Variants in LSAMP observed in about 807,000 individuals in gnomAD.
LSAMP encodes limbic system-associated membrane protein.
LSAMP carries 7 observed loss-of-function variants against 38.6 expected under a neutral mutation model. That is an observed-to-expected ratio of 0.18 (90% confidence interval 0.10 to 0.34). The LOEUF is 0.34. Ranked by LOEUF, LSAMP falls within the 10% of genes least tolerant of loss-of-function variation. LSAMP has a pLI of 1.00. For missense variants in LSAMP, 313 were observed against 420.0 expected (o/e 0.75, Z 2.23); for synonymous variants, 154 against 166.8 (o/e 0.92, Z 0.59).
In LSAMP at chr3:115,964,228, A is replaced by G. The variant is rs578045254; in HGVS notation, c.514+55287T>C. Among the ~76,000 whole-genome samples the G allele has an allele frequency of 3.0e-4, 45 of 152,262 alleles. 1 individual carries two copies. In the Middle Eastern group the frequency reaches 0.014, roughly 46 times the overall value. ...TTAAATAGTTATCATCACCTTTTAT[A>G]GGTGGTAAACTATTTAGGAGTAGGA... On this transcript the variant is annotated intron_variant, in intron 3 of 6. Transcript: ENST00000490035.
chr3:116,345,578 A>G (rs1367636233), intron 1 of LSAMP, among the ~76,000 whole-genome samples: 4 of 152,166 alleles, frequency 2.6e-5, no homozygotes, highest in Admixed American at 2.6e-4. Context: ...ATTCAGTAAT[A>G]AAACTGTTCA....
intron 1 of LSAMP, among the ~76,000 whole-genome samples, chr3:116,157,531 C>CA: frequency 6.6e-6 from 1 of 151,602 alleles, no homozygotes; most frequent in East Asian, 1.9e-4. Flanking sequence ...AAATACATGG[C>CA]AAAAATATAT....
chr3:116,146,535 T>C (rs1219945637), intron 1 of LSAMP, among the ~76,000 whole-genome samples: 8 of 151,862 alleles, frequency 5.3e-5, no homozygotes. Flanking sequence ...AAGTGCCTCT[T>C]TGAGAGCAGA....
At chr3:116,082,602 C>T (rs575150060) in intron 2 of LSAMP, among the ~76,000 whole-genome samples, 2 of 152,226 alleles carry the variant, frequency 1.3e-5, no homozygotes, top group South Asian at 4.1e-4. Context: ...TTCGTTGCGG[C>T]ACTGTTCAGA....
chr3:116,415,279 T>TA (rs1260439744), intron 1 of LSAMP, among the ~76,000 whole-genome samples: 1 of 151,858 alleles, frequency 6.6e-6, no homozygotes, highest in Non-Finnish European at 1.5e-5. Flanking sequence ...TCATATGACA[T>TA]AAAAAATGAC....
At chr3:116,204,456 T>G (rs2046036846) in intron 1 of LSAMP, among the ~76,000 whole-genome samples, 2 of 152,224 alleles carry the variant, frequency 1.3e-5, no homozygotes, top group Admixed American at 6.5e-5. Context: ...TTTTGGTGTT[T>G]TAGACATGAA....
At chr3:116,112,264 C>G (rs778833431) in intron 1 of LSAMP, among the ~76,000 whole-genome samples, 1 of 152,140 alleles carries the variant, frequency 6.6e-6, no homozygotes, top group Non-Finnish European at 1.5e-5. Context: ...CAAAACCAAT[C>G]ATGTTTTTAA....
At chr3:115,949,676 T>C in intron 3 of LSAMP, among the ~76,000 whole-genome samples, 1 of 152,046 alleles carries the variant, frequency 6.6e-6, no homozygotes. Flanking sequence ...TTAATACTAA[T>C]TTCATTGAAA....
At chr3:115,820,290 A>T (rs1444759180) in intron 6 of LSAMP, among the ~76,000 whole-genome samples, 2 of 152,218 alleles carry the variant, frequency 1.3e-5, no homozygotes, top group Non-Finnish European at 2.9e-5. Context: ...CTAAATATTA[A>T]TCTTGCTTCA....
intron 6 of LSAMP, among the ~76,000 whole-genome samples, chr3:115,826,563 A>G (rs1292219941): frequency 6.6e-6 from 1 of 151,994 alleles, no homozygotes; most frequent in Non-Finnish European, 1.5e-5. Flanking sequence ...GTACTTCTCC[A>G]TTTGGTCTGT....
chr3:116,220,376 C>CACAT (rs1553714724), intron 1 of LSAMP, among the ~76,000 whole-genome samples: 12 of 151,498 alleles, frequency 7.9e-5, no homozygotes, highest in African/African-American at 2.2e-4. Flanking sequence ...CACACACACA[C>CACAT]ACACACACAC....
intron 1 of LSAMP, among the ~76,000 whole-genome samples, chr3:116,145,896 T>C (rs1709479859): frequency 6.6e-6 from 1 of 151,926 alleles, no homozygotes; most frequent in Non-Finnish European, 1.5e-5. Flanking sequence ...ACAGTTTTTA[T>C]TTCAAGAAAT....
At chr3:116,004,890 TCA>T (rs1940112877) in intron 3 of LSAMP, among the ~76,000 whole-genome samples, 1 of 152,084 alleles carries the variant, frequency 6.6e-6, no homozygotes, top group Non-Finnish European at 1.5e-5. Flanking sequence ...ATTCATAGAA[TCA>T]CACATGGGTG....
rs72948002 is a variant in LSAMP at position 116,291,996 on chromosome 3, A to C, written c.155+152881T>G. ...CATTACTACAAATTTCCCAAGCTTT[A>C]AGATCACCACTCAGCAATCATCAAC... is the stretch of plus-strand genomic sequence containing the variant. On this transcript the variant is annotated intron_variant, in intron 1 of 6. Coordinates refer to ENST00000490035, the MANE Select transcript of LSAMP (RefSeq NM_002338.5). Among the ~76,000 whole-genome samples the C allele has an allele frequency of 1.6e-3, 249 of 152,294 alleles. 2 individuals carry two copies. Among genetic ancestry groups the C allele is most frequent in the African/African-American group, 5.7e-3 (238 of 41,562 alleles).
chr3:115,996,645 G>A (rs558944004), intron 3 of LSAMP, among the ~76,000 whole-genome samples: 34 of 151,644 alleles, frequency 2.2e-4, no homozygotes, highest in Middle Eastern at 6.8e-3. Flanking sequence ...ATGGATGTGG[G>A]GAAAAAAAAC....
At chr3:115,872,142 T>G (rs1553743284) in intron 3 of LSAMP, among the ~76,000 whole-genome samples, 2 of 152,098 alleles carry the variant, frequency 1.3e-5, no homozygotes, top group Non-Finnish European at 2.9e-5. Flanking sequence ...TGAATTAGTA[T>G]TAAAGATAAA....
chr3:116,374,015 A>G (rs1015990684), intron 1 of LSAMP, among the ~76,000 whole-genome samples: 5 of 151,918 alleles, frequency 3.3e-5, no homozygotes. Flanking sequence ...ATTTTATTAT[A>G]ATGACCTCTT....
intron 1 of LSAMP, among the ~76,000 whole-genome samples, chr3:116,226,554 G>A (rs184992207): frequency 6.6e-6 from 1 of 152,328 alleles, no homozygotes; most frequent in East Asian, 1.9e-4. Flanking sequence ...AAGGCCCCAG[G>A]AATATGGACA....
intron 1 of LSAMP, among the ~76,000 whole-genome samples, chr3:116,248,001 C>G (rs1250516345): frequency 6.6e-6 from 1 of 152,108 alleles, no homozygotes; most frequent in African/African-American, 2.4e-5. Context: ...GTATGGTGCC[C>G]TTGGGAAGAT....
Sources: allele counts gnomAD v4.1 joint callset (sites outside exome capture counted in the v4.1 genomes callset), GRCh38; gene constraint gnomAD v4.1.1; transcripts MANE v1.5; gene names NCBI Gene and HGNC (gene_info 2026-07-23, HGNC 2026-07-21).